The following URI1 variants were observed in gnomAD, a reference collection of about 807,000 sequenced individuals.
URI1 encodes URI1 prefoldin like chaperone, also known as unconventional prefoldin RPB5 interactor 1.
URI1 carries 39 observed loss-of-function variants against 60.2 expected under a neutral mutation model. The observed-to-expected ratio is 0.65, with a 90% CI of 0.50 to 0.85. URI1 has a LOEUF of 0.85. URI1 is among the 40% of genes least tolerant of loss of function. The pLI is 0.00. For missense variants in URI1, 691 were observed against 665.9 expected (o/e 1.04, Z -0.42); for synonymous variants, 251 against 236.8 (o/e 1.06, Z -0.55).
intron 2 of URI1, chr19:29,980,185 C>G (rs2055575295): frequency 6.6e-6 from 1 of 152,044 alleles, no homozygotes; most frequent in Admixed American, 6.6e-5. Context: ...ATCCTTCAAG[C>G]TAGTGGATCT....
intron 2 of URI1, among the ~76,000 whole-genome samples, chr19:29,981,261 G>A (rs972451441): frequency 2.6e-5 from 4 of 151,952 alleles, no homozygotes; most frequent in South Asian, 2.1e-4. Context: ...ACCCTAATCC[G>A]TTAATCCATT....
At chr19:30,006,948 C>A (rs1420025151) in intron 6 of URI1, among the ~76,000 whole-genome samples, 2 of 152,056 alleles carry the variant, frequency 1.3e-5, no homozygotes, top group African/African-American at 4.8e-5. Flanking sequence ...CAGAGATGAG[C>A]CGCCGTTGTT....
At position 30,012,427 on chromosome 19, in the gene URI1, A is replaced by G. The variant is rs1388134826; in HGVS notation, c.1321A>G (p.Ile441Val). The change falls in exon 10 of 11, where the codon ATC (isoleucine) becomes GTC (valine). Residue 441 changes from isoleucine to valine, a missense_variant. Coordinates refer to ENST00000392271, the MANE Select transcript of URI1 (RefSeq NM_003796.3). ...FDDRRGVLRSISCEEATCSDT... is the reference protein window; with the variant it reads ...FDDRRGVLRSVSCEEATCSDT... ...TGATAGGCGGGGAGTTTTGAGGAGT[A>G]TCAGCTGCGAAGAAGCCACTTGCAG... The G allele has an allele frequency of 1.9e-6, 3 of 1,614,194 alleles. No homozygotes were observed. The highest frequency in any genetic ancestry group is 4.5e-5 in the East Asian group (2 of 44,876).
In URI1 at chr19:30,009,294, G is replaced by T; in HGVS notation, c.976G>T (p.Gly326Trp). 1.2e-6 allele frequency: 2 copies of T among 1,614,086 alleles called. No homozygotes were observed. Among genetic ancestry groups the T allele is most frequent in the Non-Finnish European group, 1.7e-6 (2 of 1,179,994 alleles). Residue 326 changes from glycine to tryptophan, a missense_variant, in exon 8 of 11, where the codon GGG becomes TGG. Physicochemically the swap from Gly to Trp is radical, Grantham distance 184. Coordinates refer to ENST00000392271, the MANE Select transcript of URI1 (RefSeq NM_003796.3). ...TGGTGATAACGACCATGAGGCTTTAGGGGTTGGAGATAATTCTATACCAAC... is the reference window on the plus strand; with the variant it reads ...TGGTGATAACGACCATGAGGCTTTATGGGTTGGAGATAATTCTATACCAAC... ...DDGDNDHEAL[G>W]VGDNSIPTIY...
Position 29,986,376 on chromosome 19 carries a change from C to T in URI1, c.326C>T (p.Ser109Leu). The T allele has an allele frequency of 6.2e-7, 1 of 1,609,782 alleles. No individual in the cohort carries two copies. The highest frequency in any genetic ancestry group is 8.5e-7 in the Non-Finnish European group (1 of 1,179,260). ...GGGGACAACTGGTTTGCAAAGTGCT[C>T]AGCAAAGCAGGCTGTAGGTTTAGTT... Reference protein sequence around the residue: ...LLGDNWFAKCSAKQAVGLVEH... With the variant: ...LLGDNWFAKCLAKQAVGLVEH... The change falls in exon 4 of 11, where the codon TCA (serine) becomes TTA (leucine). Residue 109 changes from serine to leucine, a missense_variant. Physicochemically the swap from Ser to Leu is moderately radical, Grantham distance 145. Coordinates refer to ENST00000392271, the MANE Select transcript of URI1 (RefSeq NM_003796.3).
chr19:29,936,566 T>C (rs1411454342), intron 1 of URI1, among the ~76,000 whole-genome samples: 3 of 152,228 alleles, frequency 2.0e-5, no homozygotes, highest in Admixed American at 6.5e-5. Flanking sequence ...CTCGCGCTTG[T>C]AATTTGTTAA....
chr19:29,951,312 G>T (rs927906245), intron 1 of URI1, among the ~76,000 whole-genome samples: 16 of 152,204 alleles, frequency 1.1e-4, no homozygotes, highest in African/African-American at 3.9e-4. Context: ...TGCCATGGAT[G>T]ATCCTTGCCT....
At chr19:29,989,213 C>T (rs1028465462) in intron 4 of URI1, among the ~76,000 whole-genome samples, 4 of 149,784 alleles carry the variant, frequency 2.7e-5, no homozygotes, top group Non-Finnish European at 5.9e-5. Flanking sequence ...GAGGTTCGAG[C>T]AATTCTCCTG....
intron 2 of URI1, among the ~76,000 whole-genome samples, chr19:29,979,494 T>C (rs1486945693): frequency 6.6e-6 from 1 of 152,204 alleles, no homozygotes; most frequent in Non-Finnish European, 1.5e-5. Context: ...ATGGTTGTTG[T>C]AGAGAGAACA....
chr19:29,942,252 CGGCCGCCACGCGACGCCTGGCT>C lies in URI1; in HGVS notation c.-293_-272del. The stretch of plus-strand genomic sequence containing the variant: ...GAGAGGCGGGGCGTGTGGGGAGGCG[CGGCCGCCACGCGACGCCTGGCT>C]GGGCCCGCACCGGAGAGGCGTCTCG... On this transcript the variant is annotated 5_prime_UTR_variant, in exon 1 of 11. Coordinates refer to ENST00000392271, the MANE Select transcript of URI1 (RefSeq NM_003796.3). The C allele has an allele frequency of 1.0e-6, 1 of 984,634 alleles. No homozygotes were observed. The highest frequency in any genetic ancestry group is 1.2e-6 in the Non-Finnish European group (1 of 829,618). 61.0% of individuals were successfully genotyped at this position (984,634 alleles called of 1,614,324 possible).
At chr19:29,985,863 T>C (rs1433979997) in intron 3 of URI1, among the ~76,000 whole-genome samples, 1 of 152,238 alleles carries the variant, frequency 6.6e-6, no homozygotes, top group Non-Finnish European at 1.5e-5. Context: ...GCTATTTGTT[T>C]ACTAATTCCT....
At chr19:29,928,905 G>T (rs142658034) in intron 1 of URI1, among the ~76,000 whole-genome samples, 1 of 152,152 alleles carries the variant, frequency 6.6e-6, no homozygotes, top group Admixed American at 6.6e-5. Flanking sequence ...AGACTCCCAA[G>T]TTCCTTCACC....
At chr19:29,948,820 C>G (rs1056974484) in intron 1 of URI1, among the ~76,000 whole-genome samples, 1 of 152,192 alleles carries the variant, frequency 6.6e-6, no homozygotes, top group Non-Finnish European at 1.5e-5. Context: ...AAACCGCCAT[C>G]GTCATCATGG....
upstream of URI1, among the ~76,000 whole-genome samples, chr19:29,940,499 A>G (rs527483932): frequency 1.8e-4 from 28 of 152,220 alleles, no homozygotes; most frequent in Non-Finnish European, 3.5e-4. Context: ...AAATACAAAA[A>G]TTAGCCAGGT....
chr19:29,927,560 CTTTTTTTTTTTTTTT>C (rs3049080), intron 1 of URI1, among the ~76,000 whole-genome samples: 2 of 39,802 alleles, frequency 5.0e-5, no homozygotes, highest in Non-Finnish European at 7.8e-5. Flanking sequence ...CTGCACCCGG[CTTTTTTTTTTTTTTT>C]TTTTTTTTTT....
At chr19:30,006,363 C>T (rs1205606001) in intron 6 of URI1, among the ~76,000 whole-genome samples, 1 of 152,092 alleles carries the variant, frequency 6.6e-6, no homozygotes, top group Non-Finnish European at 1.5e-5. Flanking sequence ...AACAAATGTA[C>T]TGAGCATTCG....
intron 1 of URI1, among the ~76,000 whole-genome samples, chr19:29,924,412 T>C (rs334996): frequency 0.93 from 142,307 of 152,256 alleles, 66,581 homozygotes; most frequent in East Asian, 1. Context: ...GAGCCCCCCA[T>C]TGTTGCTCGG....
At chr19:29,986,566 G>A in intron 4 of URI1, 149 bp downstream of exon 4, 7 of 987,090 alleles carry the variant, frequency 7.1e-6, no homozygotes, top group East Asian at 3.1e-5. Context: ...GGTAGTTTGA[G>A]TAGAACCAAC....
chr19:29,978,174 C>G lies in URI1; in HGVS notation c.152+6947C>G, dbSNP rs138379573. 5.8e-3 allele frequency among the ~76,000 whole-genome samples: 885 copies of G among 152,196 alleles called. 11 individuals carry two copies. Among genetic ancestry groups the G allele is most frequent in the African/African-American group, 0.02 (842 of 41,522 alleles). ...AGCTTTTATATCATGTTTTTGGAAG[C>G]AACCAGCTAGTTTAACGCACTTCTG... is the stretch of plus-strand genomic sequence containing the variant. On this transcript the variant is annotated intron_variant, in intron 2 of 10. Coordinates refer to ENST00000392271, the MANE Select transcript of URI1 (RefSeq NM_003796.3).
Sources: allele counts gnomAD v4.1 joint callset (sites outside exome capture counted in the v4.1 genomes callset), GRCh38; gene constraint gnomAD v4.1.1; transcripts MANE v1.5; gene names NCBI Gene and HGNC (gene_info 2026-07-23, HGNC 2026-07-21).